WDR5: variants seen among roughly 807,000 people sequenced by gnomAD.
WDR5 encodes the protein WD repeat domain 5, also known as WD repeat-containing protein 5.
For missense variants in WDR5, 187 were observed against 416.9 expected, an observed-to-expected ratio of 0.45 and a Z score of 4.80; for synonymous variants, 144 against 161.6, an observed-to-expected ratio of 0.89 and a Z score of 0.83.
intron 9 of WDR5, among the ~76,000 whole-genome samples, chr9:134,154,257 T>C (rs28654988): frequency 0.075 from 11,471 of 151,966 alleles, 927 homozygotes; most frequent in African/African-American, 0.2. Context: ...CCCCCGGGCC[T>C]ATGGGCTTGA....
intron 8 of WDR5, among the ~76,000 whole-genome samples, chr9:134,148,724 T>C (rs1832342829): frequency 6.6e-6 from 1 of 152,094 alleles, no homozygotes; most frequent in Non-Finnish European, 1.5e-5. Context: ...CGTCTTGCCC[T>C]GTGAGGATGC....
intron 1 of WDR5, among the ~76,000 whole-genome samples, chr9:134,138,394 G>T (rs1831694134): frequency 6.6e-6 from 1 of 152,184 alleles, no homozygotes; most frequent in African/African-American, 2.4e-5. Flanking sequence ...TTTTTGCTTG[G>T]ATTTCCTTAG....
rs1420153864 is a variant in WDR5, at chr9:134,141,729, CT to C, written c.264+150del. ...TTTTTATAGTTATTTGCATCTTGAA[CT>C]TTTAACCCAAATAACATTTGACTTC... On this transcript the variant is annotated intron_variant, in intron 4 of 13. Coordinates refer to ENST00000358625, the MANE Select transcript of WDR5 (RefSeq NM_017588.3). The C allele has an allele frequency of 4.6e-5, 45 of 970,262 alleles. 1 individual carries two copies. In the Middle Eastern group the frequency reaches 3.3e-3, roughly 72 times the overall value. 60.1% of individuals were successfully genotyped at this position (970,262 alleles called of 1,614,324 possible).
intron 7 of WDR5, among the ~76,000 whole-genome samples, chr9:134,144,760 C>T (rs755079569): frequency 1.3e-5 from 2 of 151,856 alleles, no homozygotes; most frequent in Non-Finnish European, 2.9e-5. Context: ...TTGCTTGGGC[C>T]CAGGAGTTTG....
intron 7 of WDR5, among the ~76,000 whole-genome samples, chr9:134,142,947 G>A (rs1831970263): frequency 1.3e-5 from 2 of 152,202 alleles, no homozygotes; most frequent in Admixed American, 1.3e-4. Context: ...TCAGTGGGGT[G>A]CCCTGTGATG....
chr9:134,150,113 C>T (rs1466370047), intron 8 of WDR5, among the ~76,000 whole-genome samples: 1 of 152,166 alleles, frequency 6.6e-6, no homozygotes, highest in Non-Finnish European at 1.5e-5. Flanking sequence ...GAGCTTGCTA[C>T]CTAAGCCTTG....
In WDR5 at chr9:134,141,922, T is replaced by C. The variant is rs367746758; in HGVS notation, c.265-27T>C. 64 of 1,608,556 alleles carry C rather than the reference T, an allele frequency of 4.0e-5. No individual in the cohort carries two copies. In the African/African-American group the frequency reaches 7.3e-4, roughly 18 times the overall value. On this transcript the variant is annotated intron_variant, in intron 4 of 13. Coordinates refer to ENST00000358625, the MANE Select transcript of WDR5 (RefSeq NM_017588.3). ...GATGGTCCTATTTTGTCCTGTCAAG[T>C]TACTGACCCTGTTTTTTCTCCCCAA...
At chr9:134,143,123 T>C (rs1388448931) in intron 7 of WDR5, among the ~76,000 whole-genome samples, 1 of 54,316 alleles carries the variant, frequency 1.8e-5, no homozygotes, top group East Asian at 5.1e-4. Flanking sequence ...GAGTTAGCTT[T>C]GATGGGCGGG....
At chr9:134,155,553 T>G (rs892281978) in intron 11 of WDR5, 140 bp from the exon 12 acceptor site, 10 of 1,248,390 alleles carry the variant, frequency 8.0e-6, no homozygotes, top group Non-Finnish European at 1.1e-6. Flanking sequence ...GCAAGTTAAA[T>G]CTTCGATTGT....
intron 1 of WDR5, among the ~76,000 whole-genome samples, chr9:134,138,624 T>TC (rs1831708850): frequency 1.3e-5 from 2 of 152,230 alleles, no homozygotes; most frequent in African/African-American, 4.8e-5. Flanking sequence ...GCGTGATCCA[T>TC]CTTTGCGCAG....
intron 3 of WDR5, 122 bp downstream of exon 3, chr9:134,140,933 G>T (rs970725743): frequency 1.1e-6 from 1 of 886,648 alleles, no homozygotes; most frequent in Non-Finnish European, 1.8e-6. Flanking sequence ...CCGCTGGGGG[G>T]CACGTAGCAG....
chr9:134,157,761 T>G lies in WDR5; in HGVS notation c.905-132T>G. ...TGTGTCGAAGGTGGGCAGTGGGTGC[T>G]TGTCCTGTGACCTCCCAGGTGGCGG... On this transcript the variant is annotated intron_variant, in intron 13 of 13. Transcript: ENST00000358625. This position sits in a 1 kb window ranked among gnomAD's most constrained non-coding sequence, Gnocchi z 5.0. The G allele has an allele frequency of 3.9e-6, 3 of 764,514 alleles. No individual in the cohort carries two copies. The South Asian group carries it at 4.9e-5, about 13-fold the overall frequency. The allele number at this position is 764,514 out of a possible 1,614,324, so 47.4% of individuals were successfully genotyped here. A position where few individuals can be genotyped will look rare whatever the true frequency, so the allele number is the denominator to read the frequency against.
At chr9:134,138,616 G>A (rs1356634325) in intron 1 of WDR5, among the ~76,000 whole-genome samples, 3 of 152,196 alleles carry the variant, frequency 2.0e-5, no homozygotes, top group Admixed American at 6.5e-5. Flanking sequence ...TAGATGCAGC[G>A]TGATCCATCT....
chr9:134,140,865 A>G lies in WDR5; in HGVS notation c.190+54A>G, dbSNP rs1270892010. ...GGGAGAGGCGGTCTGAGCTGCAGAC[A>G]AAAAGCTGGCGAGGGGATGGCTTGC... On this transcript the variant is annotated intron_variant, in intron 3 of 13. Coordinates refer to ENST00000358625, the MANE Select transcript of WDR5 (RefSeq NM_017588.3). 3.2e-6 allele frequency: 5 copies of G among 1,551,592 alleles called. No individual in the cohort carries two copies. The African/African-American group carries it at 5.4e-5, about 17-fold the overall frequency.
At chr9:134,149,499 G>T (rs1439980118) in intron 8 of WDR5, among the ~76,000 whole-genome samples, 1 of 152,210 alleles carries the variant, frequency 6.6e-6, no homozygotes, top group Non-Finnish European at 1.5e-5. Flanking sequence ...GAGGGGAGGG[G>T]TGCACAGGGT....
chr9:134,152,479 G>A (rs979136517), intron 9 of WDR5, among the ~76,000 whole-genome samples: 4 of 152,224 alleles, frequency 2.6e-5, no homozygotes, highest in African/African-American at 9.6e-5. Flanking sequence ...GAGGAAGGAG[G>A]GACGTGGCGT....
intron 1 of WDR5, among the ~76,000 whole-genome samples, chr9:134,137,681 AAAC>A (rs1387279396): frequency 1.5e-5 from 2 of 136,874 alleles, no homozygotes; most frequent in African/African-American, 2.6e-5. Flanking sequence ...AAAAAAACAA[AAAC>A]AAAAAAAAAA....
In WDR5 at chr9:134,155,389, C is replaced by T. The variant is rs970344567; in HGVS notation, c.741+16C>T. 3.1e-6 allele frequency: 5 copies of T among 1,599,870 alleles called. No homozygotes were observed. ...CAAGGGGAAGGTGAGCCCCCGCAGG[C>T]TTGGGCCCCCATGGTGCACCATCCC... On this transcript the variant is annotated intron_variant, in intron 11 of 13. Coordinates refer to ENST00000358625, the MANE Select transcript of WDR5 (RefSeq NM_017588.3).
intron 8 of WDR5, among the ~76,000 whole-genome samples, chr9:134,151,560 C>G (rs977513778): frequency 6.6e-6 from 1 of 152,218 alleles, no homozygotes; most frequent in Non-Finnish European, 1.5e-5. Context: ...GCTTACAATA[C>G]TCTTAAATTT....
Sources: allele counts gnomAD v4.1 joint callset (sites outside exome capture counted in the v4.1 genomes callset), GRCh38; gene constraint gnomAD v4.1.1; non-coding constraint Gnocchi (gnomAD v3.1); transcripts MANE v1.5; gene names NCBI Gene and HGNC (gene_info 2026-07-23, HGNC 2026-07-21).